The following PUS10 variants were observed in gnomAD, a reference collection of about 807,000 sequenced individuals.
PUS10 encodes tRNA pseudouridine synthase Pus10.
A neutral mutation model predicts 75.0 loss-of-function variants in PUS10; 59 were observed. The ratio of observed to expected loss-of-function variants is 0.79; its 90% CI spans 0.64 to 0.98. The LOEUF (loss-of-function observed/expected upper bound fraction) is 0.98. Among genes scored for constraint, PUS10 ranks in the 50% least tolerant of loss-of-function variants. The pLI, the probability that PUS10 is intolerant of heterozygous loss-of-function variation, is 0.00. For missense variants in PUS10, 650 were observed against 614.4 expected, an observed-to-expected ratio of 1.06 and a Z score of -0.61; for synonymous variants, 219 against 211.6, an observed-to-expected ratio of 1.03 and a Z score of -0.30.
intron 3 of PUS10, among the ~76,000 whole-genome samples, chr2:61,006,986 T>C (rs1158691284): frequency 6.6e-6 from 1 of 152,170 alleles, no homozygotes. Flanking sequence ...CAATCCCACA[T>C]TCAATCATTT....
chr2:60,961,482 A>G lies in PUS10; in HGVS notation c.855T>C (p.His285=), dbSNP rs762818180. 20 of 1,613,952 alleles carry G rather than the reference A, an allele frequency of 1.2e-5. No individual in the cohort carries two copies. The highest frequency in any genetic ancestry group is 6.7e-5 in the Admixed American group (4 of 60,008). ...VCAVLEIECA[H]GAVFVAGRYN... ...TTTTACCAGCCACAAAAACAGCACC[A>G]TGAGCACATTCAATTTCAAGAACAG... The change falls in exon 10 of 18, where the codon CAT becomes CAC. Residue 285 remains histidine, a synonymous_variant. Coordinates refer to ENST00000316752, the MANE Select transcript of PUS10 (RefSeq NM_144709.4).
chr2:60,960,631 A>G, intron 10 of PUS10, 114 bp from the exon 11 acceptor site: 2 of 925,868 alleles, frequency 2.2e-6, no homozygotes, highest in Non-Finnish European at 1.6e-6. Flanking sequence ...ATATAAAACA[A>G]GGCCTATCCT....
intron 11 of PUS10, among the ~76,000 whole-genome samples, chr2:60,959,769 A>C (rs1337693752): frequency 1.3e-5 from 2 of 152,176 alleles, no homozygotes; most frequent in African/African-American, 4.8e-5. Context: ...GGCACCCAGA[A>C]CATGATGCCA....
At position 61,009,029 on chromosome 2, in the gene PUS10, GAAAGAA is replaced by G; in HGVS notation, c.127-20_127-15del. The G allele has an allele frequency of 6.3e-7, 1 of 1,598,958 alleles. No individual in the cohort carries two copies. The highest frequency in any genetic ancestry group is 8.5e-7 in the Non-Finnish European group (1 of 1,174,526). ...ATTGAGCAACTCCTGGAAAGTTAAT[GAAAGAA>G]AAAGTAATGACCCACTGACAATGTC... On this transcript the variant is annotated splice_polypyrimidine_tract_variant and intron_variant, in intron 2 of 17. Transcript: ENST00000316752.
chr2:61,013,749 G>A (rs527701699), intron 1 of PUS10, among the ~76,000 whole-genome samples: 2 of 152,330 alleles, frequency 1.3e-5, no homozygotes, highest in South Asian at 2.1e-4. Flanking sequence ...TTGAGGCCGG[G>A]TGCAGTGGCT....
At chr2:60,969,904 A>G (rs1301923809) in intron 5 of PUS10, among the ~76,000 whole-genome samples, 1 of 152,150 alleles carries the variant, frequency 6.6e-6, no homozygotes, top group Non-Finnish European at 1.5e-5. Context: ...CGTGGCCAAC[A>G]TGGTGAAACC....
intron 11 of PUS10, among the ~76,000 whole-genome samples, chr2:60,957,862 A>G (rs1183961672): frequency 1.3e-5 from 2 of 152,266 alleles, no homozygotes; most frequent in Non-Finnish European, 2.9e-5. Context: ...CCAGCACAGC[A>G]TGACTCAGTA....
chr2:60,963,582 A>T, intron 8 of PUS10, among the ~76,000 whole-genome samples: 1 of 152,248 alleles, frequency 6.6e-6, no homozygotes, highest in Non-Finnish European at 1.5e-5. Flanking sequence ...TGTTAGGAGA[A>T]ATCACATTTG....
At chr2:61,015,375 C>T (rs1211211706) in intron 1 of PUS10, among the ~76,000 whole-genome samples, 1 of 152,078 alleles carries the variant, frequency 6.6e-6, no homozygotes, top group Non-Finnish European at 1.5e-5. Context: ...AGGTGTGCAC[C>T]TGTAATCCCT....
At chr2:60,944,111 G>C (rs971875583) in intron 17 of PUS10, 1 of 490,706 alleles carries the variant, frequency 2.0e-6, no homozygotes, top group African/African-American at 2.1e-5. Flanking sequence ...CTGGGTGACA[G>C]TGCAAGACCC....
In PUS10 at chr2:60,953,079, T is replaced by G; in HGVS notation, c.1226A>C (p.Glu409Ala). Residue 409 changes from glutamate to alanine, a missense_variant, in exon 15 of 18, where the codon GAA becomes GCA. Coordinates refer to ENST00000316752, the MANE Select transcript of PUS10 (RefSeq NM_144709.4). ...TAAGGCACTGTAGGTCTTTGTCTTTTCTTCTTCACCTTCTTTCATATGTCC... is the reference window on the plus strand; with the variant it reads ...TAAGGCACTGTAGGTCTTTGTCTTTGCTTCTTCACCTTCTTTCATATGTCC... ...AIGHMKEGEE[E>A]KTKTYSALIW... is the part of the protein sequence containing the mutation. 6.2e-7 allele frequency: 1 copy of G among 1,608,290 alleles called. No individual in the cohort carries two copies. The highest frequency in any genetic ancestry group is 8.5e-7 in the Non-Finnish European group (1 of 1,174,718).
chr2:60,997,230 G>A (rs527265148), intron 4 of PUS10, among the ~76,000 whole-genome samples: 3 of 152,232 alleles, frequency 2.0e-5, no homozygotes, highest in South Asian at 2.1e-4. Flanking sequence ...CTATACACTC[G>A]CCAACCCACT....
intron 4 of PUS10, among the ~76,000 whole-genome samples, chr2:60,990,356 G>A (rs538258636): frequency 6.6e-6 from 1 of 152,312 alleles, no homozygotes; most frequent in South Asian, 2.1e-4. Context: ...ACAAGGTAGT[G>A]AAGAGTTACA....
intron 16 of PUS10, among the ~76,000 whole-genome samples, chr2:60,945,696 C>A (rs549025152): frequency 7.2e-4 from 110 of 152,114 alleles, no homozygotes; most frequent in African/African-American, 2.5e-3. Context: ...TAAGTTAATT[C>A]TCTCTCTCTT....
chr2:60,946,511 G>A (rs1674952668), intron 16 of PUS10, among the ~76,000 whole-genome samples: 1 of 152,094 alleles, frequency 6.6e-6, no homozygotes, highest in South Asian at 2.1e-4. Flanking sequence ...GCCAGGATTA[G>A]GTAAGAAGAC....
chr2:60,969,090 A>G (rs1394582701), intron 5 of PUS10, among the ~76,000 whole-genome samples: 1 of 152,218 alleles, frequency 6.6e-6, no homozygotes, highest in Non-Finnish European at 1.5e-5. Context: ...TACATTCTGG[A>G]AAGTCCAAAG....
At chr2:60,958,320 G>C (rs73932668) in intron 11 of PUS10, among the ~76,000 whole-genome samples, 9,561 of 152,178 alleles carry the variant, frequency 0.063, 1,046 homozygotes, top group African/African-American at 0.22. Flanking sequence ...GGTCTTTACT[G>C]CTAAGATTTT....
intron 9 of PUS10, 134 bp downstream of exon 9, chr2:60,962,692 A>G: frequency 7.2e-7 from 1 of 1,392,602 alleles, no homozygotes; most frequent in Admixed American, 3.4e-5. Context: ...TGGGTTGGAG[A>G]GATAACAATG....
At chr2:60,948,593 G>T (rs1675137689) in intron 15 of PUS10, among the ~76,000 whole-genome samples, 1 of 151,290 alleles carries the variant, frequency 6.6e-6, no homozygotes, top group African/African-American at 2.4e-5. Flanking sequence ...GTTTTTTTTT[G>T]GTGAAGGAAA....
Sources: gnomAD v4.1 joint callset for allele counts (sites outside exome capture counted in the v4.1 genomes callset) on GRCh38, gnomAD v4.1.1 for gene constraint, MANE v1.5 for transcripts, NCBI Gene and HGNC (gene_info 2026-07-23, HGNC 2026-07-21) for gene names.